The following EDC3 variants were observed in gnomAD, a reference collection of about 807,000 sequenced individuals.
EDC3 encodes enhancer of mRNA-decapping protein 3.
Under a neutral mutation model 41.8 loss-of-function variants are expected in EDC3, and 20 were observed. The observed-to-expected ratio is 0.48, with a 90% CI of 0.34 to 0.70. EDC3 has a LOEUF of 0.70. EDC3 is among the 30% of genes least tolerant of loss of function. The pLI is 0.01. For synonymous variants in EDC3, 206 were observed against 243.2 expected, an observed-to-expected ratio of 0.85 and a Z score of 1.42; for missense variants, 444 against 636.8, an observed-to-expected ratio of 0.70 and a Z score of 3.26.
chr15:74,643,565 G>C (rs1001317650), intron 4 of EDC3: 8 of 152,254 alleles, frequency 5.3e-5, no homozygotes, highest in Non-Finnish European at 1.0e-4. Flanking sequence ...CAGTGGTCCA[G>C]CAGTGCCCGT....
At chr15:74,680,038 G>T (rs941979092) in intron 1 of EDC3, 3 of 151,838 alleles carry the variant, frequency 2.0e-5, no homozygotes, top group African/African-American at 7.3e-5. Flanking sequence ...CAAGGTGGGC[G>T]GATCACGAGG....
intron 1 of EDC3, among the ~76,000 whole-genome samples, chr15:74,683,193 C>T (rs1242142348): frequency 6.6e-6 from 1 of 152,110 alleles, no homozygotes; most frequent in African/African-American, 2.4e-5. Flanking sequence ...AGGTTGTGTT[C>T]TGTATGATTC....
rs554565311 is a variant in EDC3 at position 74,682,873 on chromosome 15, C to T, written c.-18-7731G>A. 5.0e-4 allele frequency among the ~76,000 whole-genome samples: 76 copies of T among 150,694 alleles called. 1 individual carries two copies. The highest frequency in any genetic ancestry group is 1.8e-3 in the African/African-American group (72 of 41,028). On this transcript the variant is annotated intron_variant, in intron 1 of 6. Coordinates refer to ENST00000315127, the MANE Select transcript of EDC3 (RefSeq NM_025083.5). Reference sequence around the variant, plus strand: ...TCCTGTCTCTACTAAAAATACAAAACTAGCTGGGAGCGGTGGCGCATGCCT... The same window carrying T: ...TCCTGTCTCTACTAAAAATACAAAATTAGCTGGGAGCGGTGGCGCATGCCT...
intron 1 of EDC3, among the ~76,000 whole-genome samples, chr15:74,676,350 G>C (rs995945791): frequency 1.3e-5 from 2 of 152,016 alleles, no homozygotes; most frequent in Non-Finnish European, 2.9e-5. Flanking sequence ...AGTAAAAAAA[G>C]AACAGATTAA....
In EDC3 at chr15:74,632,507, C is replaced by G. The variant is rs2062222992; in HGVS notation, c.*105G>C. 8 of 1,353,154 alleles carry G rather than the reference C, an allele frequency of 5.9e-6. No homozygotes were observed. Among genetic ancestry groups the G allele is most frequent in the South Asian group, 1.4e-5 (1 of 72,568 alleles). 83.8% of individuals were successfully genotyped at this position (1,353,154 alleles called of 1,614,324 possible). On this transcript the variant is annotated 3_prime_UTR_variant, in exon 7 of 7. Coordinates refer to ENST00000315127, the MANE Select transcript of EDC3 (RefSeq NM_025083.5). This position sits in a 1 kb window ranked among gnomAD's most constrained non-coding sequence, Gnocchi z 4.0. ...TGTTCTCTCACAGAAGAAACAAACC[C>G]AAAAGAGAAAAAACTTTAACAAGGT...
chr15:74,681,277 C>T (rs1014210443), intron 1 of EDC3, among the ~76,000 whole-genome samples: 1 of 152,140 alleles, frequency 6.6e-6, no homozygotes, highest in Non-Finnish European at 1.5e-5. Flanking sequence ...TTCAGCCTCC[C>T]GAGTAGCTGG....
Position 74,632,513 on chromosome 15 carries a change from AG to A in EDC3, c.*98del. ...CTCACAGAAGAAACAAACCCAAAAG[AG>A]AAAAAACTTTAACAAGGTCCATGAA... On this transcript the variant is annotated 3_prime_UTR_variant, in exon 7 of 7. Transcript: ENST00000315127. The surrounding 1 kb of genome is among the most constrained non-coding windows in gnomAD (Gnocchi z 4.0). 1.5e-6 allele frequency: 2 copies of A among 1,377,840 alleles called. No individual in the cohort carries two copies. The highest frequency in any genetic ancestry group is 2.0e-6 in the Non-Finnish European group (2 of 1,012,464). The allele number at this position is 1,377,840 out of a possible 1,614,324, so 85.4% of individuals were successfully genotyped here.
intron 3 of EDC3, among the ~76,000 whole-genome samples, chr15:74,659,580 G>T (rs2062597322): frequency 1.3e-5 from 2 of 151,122 alleles, no homozygotes; most frequent in East Asian, 3.9e-4. Flanking sequence ...ATAGAAATAT[G>T]GATGAGATGG....
intron 4 of EDC3, among the ~76,000 whole-genome samples, chr15:74,645,799 G>A (rs907454124): frequency 2.6e-5 from 4 of 152,120 alleles, no homozygotes; most frequent in South Asian, 4.1e-4. Context: ...GGGAGCCCAG[G>A]AGGCAGAGGC....
In EDC3 at chr15:74,635,310, G is replaced by A. The variant is rs771785328; in HGVS notation, c.1192+99C>T. 128 of 1,104,294 alleles carry A rather than the reference G, an allele frequency of 1.2e-4. No homozygotes were observed. In the African/African-American group the frequency reaches 1.6e-3, roughly 14 times the overall value. 68.4% of individuals were successfully genotyped at this position (1,104,294 alleles called of 1,614,324 possible). The stretch of plus-strand genomic sequence containing the variant: ...GAGGCGAAGCACCATCCTTACACAC[G>A]TAGTGCCTTTCCACCTGTCGCCACT... On this transcript the variant is annotated intron_variant, in intron 6 of 6. Coordinates refer to ENST00000315127, the MANE Select transcript of EDC3 (RefSeq NM_025083.5).
At chr15:74,680,260 C>CAAAAA (rs34873831) in intron 1 of EDC3, among the ~76,000 whole-genome samples, 2 of 64,272 alleles carry the variant, frequency 3.1e-5, no homozygotes, top group African/African-American at 6.6e-5. Context: ...GACTCCATCT[C>CAAAAA]AAAAAAAAAA....
At chr15:74,638,769 A>C (rs2062307984) in intron 5 of EDC3, 1 of 152,068 alleles carries the variant, frequency 6.6e-6, no homozygotes, top group Admixed American at 6.6e-5. Flanking sequence ...AGTGAATGTA[A>C]CCACCATCCA....
intron 1 of EDC3, among the ~76,000 whole-genome samples, chr15:74,690,187 G>A (rs2062990358): frequency 6.6e-6 from 1 of 152,196 alleles, no homozygotes; most frequent in Non-Finnish European, 1.5e-5. Context: ...CTAACAATCT[G>A]TGTAGCTAGG....
chr15:74,632,234 A>G lies in EDC3; in HGVS notation c.*378T>C, dbSNP rs977642456. Reference sequence around the variant, plus strand: ...AAAGCCACAAGCTCTGAAATAGAGCAGGTACAGGCCCCCAGACAGGACCTG... The same window carrying G: ...AAAGCCACAAGCTCTGAAATAGAGCGGGTACAGGCCCCCAGACAGGACCTG... On this transcript the variant is annotated 3_prime_UTR_variant, in exon 7 of 7. Coordinates refer to ENST00000315127, the MANE Select transcript of EDC3 (RefSeq NM_025083.5). This position sits in a 1 kb window ranked among gnomAD's most constrained non-coding sequence, Gnocchi z 4.0. 2 of 258,248 alleles carry G rather than the reference A, an allele frequency of 7.7e-6. No homozygotes were observed. The highest frequency in any genetic ancestry group is 1.5e-5 in the Non-Finnish European group (2 of 132,154). 16.0% of individuals were successfully genotyped at this position (258,248 alleles called of 1,614,324 possible).
intron 3 of EDC3, among the ~76,000 whole-genome samples, chr15:74,665,318 GC>G (rs773238887): frequency 6.6e-6 from 1 of 152,178 alleles, no homozygotes; most frequent in Non-Finnish European, 1.5e-5. Context: ...CAGCCATCAT[GC>G]CCAGCCTCAG....
At chr15:74,658,624 G>GAAAAA in intron 3 of EDC3, among the ~76,000 whole-genome samples, 1 of 39,042 alleles carries the variant, frequency 2.6e-5, no homozygotes. Context: ...TTACGTCTCT[G>GAAAAA]AAAAAAAAAA....
Position 74,630,977 on chromosome 15 carries a change from C to T in EDC3, c.*1635G>A, listed in dbSNP as rs1464589645. ...CAAAAAGCCTGTAACCTAGACTGCT[C>T]CTCAGATTTTGGCCAAGAGAGGGCC... On this transcript the variant is annotated 3_prime_UTR_variant, in exon 7 of 7. Coordinates refer to ENST00000315127, the MANE Select transcript of EDC3 (RefSeq NM_025083.5). 2.0e-5 allele frequency: 3 copies of T among 152,262 alleles called. No homozygotes were observed. Among genetic ancestry groups the T allele is most frequent in the African/African-American group, 7.2e-5 (3 of 41,462 alleles). 9.4% of individuals were successfully genotyped at this position (152,262 alleles called of 1,614,324 possible). A position where few individuals can be genotyped will look rare whatever the true frequency, so the allele number is the denominator to read the frequency against.
intron 1 of EDC3, among the ~76,000 whole-genome samples, chr15:74,684,651 T>A: frequency 6.6e-6 from 1 of 151,004 alleles, no homozygotes; most frequent in African/African-American, 2.4e-5. Context: ...GTTAAATAAA[T>A]AATAAAGTTA....
At chr15:74,681,803 G>GA (rs1293660405) in intron 1 of EDC3, among the ~76,000 whole-genome samples, 1 of 152,042 alleles carries the variant, frequency 6.6e-6, no homozygotes, top group African/African-American at 2.4e-5. Context: ...AAAACTTTTA[G>GA]AAAAAACATA....
Sources: allele counts gnomAD v4.1 joint callset (sites outside exome capture counted in the v4.1 genomes callset), GRCh38; gene constraint gnomAD v4.1.1; non-coding constraint Gnocchi (gnomAD v3.1); transcripts MANE v1.5; gene names NCBI Gene and HGNC (gene_info 2026-07-23, HGNC 2026-07-21).